The following KIF20B variants were observed in gnomAD, a reference collection of about 807,000 sequenced individuals.
KIF20B encodes the protein kinesin family member 20B.
A neutral mutation model predicts 232.5 loss-of-function variants in KIF20B; 188 were observed. The observed-to-expected ratio is 0.81, with a 90% CI of 0.72 to 0.91. KIF20B has a LOEUF of 0.91. Among genes scored for constraint, KIF20B ranks in the 40% least tolerant of loss-of-function variants. The probability of loss-of-function intolerance (pLI) is 0.00; values close to 1 mark genes in which losing one functional copy is unlikely to be tolerated. For synonymous variants in KIF20B, 712 were observed against 683.0 expected, an observed-to-expected ratio of 1.04 and a Z score of -0.66; for missense variants, 2,154 against 2,055.9, an observed-to-expected ratio of 1.05 and a Z score of -0.92.
chr10:89,737,875 C>T lies in KIF20B; in HGVS notation c.3034C>T (p.Leu1012=), dbSNP rs769418189. The change falls in exon 20 of 33, where the codon CTG becomes TTG. Residue 1012 remains leucine, a synonymous_variant. Transcript: ENST00000371728. The part of the protein sequence containing the change: ...SNIDLLNLRD[L]SNGSEEDNLP... ...CATAGATTTGCTCAATCTCAGGGAT[C>T]TGTCAAATGGTTCTGAGGAGGATAA... The T allele has an allele frequency of 6.2e-7, 1 of 1,613,294 alleles. No individual in the cohort carries two copies. The highest frequency in any genetic ancestry group is 8.5e-7 in the Non-Finnish European group (1 of 1,179,396).
At chr10:89,719,373 G>GT (rs1843000850) in intron 12 of KIF20B, 46 bp from the exon 13 acceptor site, 1 of 1,344,226 alleles carries the variant, frequency 7.4e-7, no homozygotes, top group African/African-American at 1.5e-5. Flanking sequence ...CTAGTGGACA[G>GT]TTCTTGTCTT....
intron 21 of KIF20B, among the ~76,000 whole-genome samples, chr10:89,739,373 A>C (rs1841743792): frequency 6.6e-6 from 1 of 152,186 alleles, no homozygotes; most frequent in Admixed American, 6.5e-5. Flanking sequence ...AGTGGAAAGC[A>C]ACTTGTTTAC....
chr10:89,703,805 C>A (rs943768713), intron 1 of KIF20B, among the ~76,000 whole-genome samples: 1 of 149,674 alleles, frequency 6.7e-6, no homozygotes, highest in Non-Finnish European at 1.5e-5. Flanking sequence ...CAGGCTGGAG[C>A]GCAGTGGCGC....
At position 89,705,333 on chromosome 10, in the gene KIF20B, A is replaced by G; in HGVS notation, c.39A>G (p.Pro13=). ...SNFNQEGVPR[P]SYVFSADPIA... is the part of the protein sequence containing the mutation. ...TTAATCAAGAGGGAGTACCTCGACCATCTTATGTTTTTAGTGCTGACCCAA... is the reference window on the plus strand; with the variant it reads ...TTAATCAAGAGGGAGTACCTCGACCGTCTTATGTTTTTAGTGCTGACCCAA... The change falls in exon 2 of 33, where the codon CCA becomes CCG. Residue 13 remains proline (P), a synonymous_variant. Coordinates refer to ENST00000371728, the MANE Select transcript of KIF20B (RefSeq NM_001284259.2). 6.2e-7 allele frequency: 1 copy of G among 1,614,048 alleles called. No homozygotes were observed. Among genetic ancestry groups the G allele is most frequent in the Non-Finnish European group, 8.5e-7 (1 of 1,179,934 alleles).
At chr10:89,757,034 GTGTGTGTATATA>G (rs1453704509) in intron 26 of KIF20B, among the ~76,000 whole-genome samples, 17 of 88,598 alleles carry the variant, frequency 1.9e-4, no homozygotes, top group African/African-American at 7.1e-4. Context: ...GTGTGTGTGT[GTGTGTGTATATA>G]TATATATATA....
rs1274302530 is a variant in KIF20B at position 89,737,720 on chromosome 10, A to G, written c.2879A>G (p.Lys960Arg). Reference protein sequence around the residue: ...QKSKNQEQEEKIMKLSNEIET... With the variant: ...QKSKNQEQEERIMKLSNEIET... ...AGTAAAAATCAAGAACAGGAGGAAA[A>G]GATCATGAAATTGTCAAATGAGATA... Residue 960 changes from lysine to arginine, a missense_variant, in exon 20 of 33, where the codon AAG becomes AGG. Coordinates refer to ENST00000371728, the MANE Select transcript of KIF20B (RefSeq NM_001284259.2). 1 of 1,612,930 alleles carries G rather than the reference A, an allele frequency of 6.2e-7. No individual in the cohort carries two copies. The highest frequency in any genetic ancestry group is 1.7e-5 in the Admixed American group (1 of 59,968).
intron 31 of KIF20B, among the ~76,000 whole-genome samples, chr10:89,771,078 C>G (rs1842452284): frequency 6.6e-6 from 1 of 151,878 alleles, no homozygotes; most frequent in Non-Finnish European, 1.5e-5. Flanking sequence ...CCTGTGCTTT[C>G]TTTTATCTGG....
intron 25 of KIF20B, among the ~76,000 whole-genome samples, chr10:89,753,018 G>C (rs1431157600): frequency 6.6e-6 from 1 of 152,090 alleles, no homozygotes; most frequent in African/African-American, 2.4e-5. Flanking sequence ...ATCAAATACT[G>C]CTGTGGAGAA....
intron 13 of KIF20B, among the ~76,000 whole-genome samples, chr10:89,720,244 G>A (rs1843024379): frequency 6.6e-6 from 1 of 152,144 alleles, no homozygotes; most frequent in African/African-American, 2.4e-5. Flanking sequence ...TTTTTGAAAA[G>A]TGGGTCCTAG....
chr10:89,711,074 T>G lies in KIF20B; in HGVS notation c.604T>G (p.Leu202Val). The G allele has an allele frequency of 6.2e-7, 1 of 1,604,898 alleles. No homozygotes were observed. Among genetic ancestry groups the G allele is most frequent in the Non-Finnish European group, 8.5e-7 (1 of 1,174,716 alleles). The change falls in exon 6 of 33, where the codon TTA (leucine) becomes GTA (valine). Residue 202 changes from leucine to valine, a missense_variant. Physicochemically the swap from Leu to Val is conservative, Grantham distance 32. Transcript: ENST00000371728. ...NLKPHRSREY[L>V]RLSSEQEKEE... Reference sequence around the variant, plus strand: ...TAAACCACATAGATCCAGAGAATACTTAAGGTTATCATCAGAACAAGAGAA... The same window carrying G: ...TAAACCACATAGATCCAGAGAATACGTAAGGTTATCATCAGAACAAGAGAA...
At chr10:89,714,289 G>GT (rs1564658395) in intron 7 of KIF20B, among the ~76,000 whole-genome samples, 1 of 152,004 alleles carries the variant, frequency 6.6e-6, no homozygotes, top group East Asian at 1.9e-4. Context: ...GACCATCCTG[G>GT]CCAACATGAT....
rs1250239697 is a variant in KIF20B, at chr10:89,768,861, C to T, written c.5215C>T (p.His1739Tyr). 1 of 1,601,444 alleles carries T rather than the reference C, an allele frequency of 6.2e-7. No individual in the cohort carries two copies. Among genetic ancestry groups the T allele is most frequent in the East Asian group, 2.2e-5 (1 of 44,604 alleles). The change falls in exon 31 of 33, where the codon CAT (histidine) becomes TAT (tyrosine). Residue 1739 changes from histidine to tyrosine, a missense_variant. His to Tyr is a moderately conservative substitution (Grantham distance 83). Coordinates refer to ENST00000371728, the MANE Select transcript of KIF20B (RefSeq NM_001284259.2). ...TLQKFGDFLQ[H>Y]SPSILQSKAK... Reference sequence around the variant, plus strand: ...ACAGAAATTTGGAGACTTCTTACAACATTCTCCCTCAATTCTTCAATCAAA... The same window carrying T: ...ACAGAAATTTGGAGACTTCTTACAATATTCTCCCTCAATTCTTCAATCAAA...
chr10:89,732,937 A>G lies in KIF20B; in HGVS notation c.2426A>G (p.Asn809Ser). The G allele has an allele frequency of 1.2e-6, 2 of 1,607,724 alleles. No individual in the cohort carries two copies. The highest frequency in any genetic ancestry group is 1.7e-6 in the Non-Finnish European group (2 of 1,176,286). ...GATACATCTTCTTTAATAATAAACA[A>G]TAAATTGATTTGTAATGAAACAGTT... ...KADTSSLIIN[N>S]KLICNETVEV... Residue 809 changes from asparagine (N) to serine (S), a missense_variant, in exon 19 of 33, where the codon AAT becomes AGT. Physicochemically the swap from Asn to Ser is conservative, Grantham distance 46. Coordinates refer to ENST00000371728, the MANE Select transcript of KIF20B (RefSeq NM_001284259.2).
At chr10:89,751,313 T>C in intron 23 of KIF20B, 33 bp from the exon 24 acceptor site, 4 of 1,553,622 alleles carry the variant, frequency 2.6e-6, no homozygotes, top group South Asian at 1.2e-5. Context: ...CTAGAGGCTA[T>C]TAATTTCTAA....
At chr10:89,749,048 A>G (rs1690645688) in intron 23 of KIF20B, among the ~76,000 whole-genome samples, 2 of 152,312 alleles carry the variant, frequency 1.3e-5, no homozygotes, top group Middle Eastern at 3.4e-3. Context: ...AAGGTAATCT[A>G]TAGCTCCTCC....
intron 30 of KIF20B, 54 bp from the exon 31 acceptor site, chr10:89,768,684 T>C (rs3824609): frequency 0.26 from 385,036 of 1,482,658 alleles, 53,722 homozygotes; most frequent in African/African-American, 0.46. Context: ...TGGCCATAAC[T>C]ATTTCCTTCT....
intron 7 of KIF20B, 115 bp from the exon 8 acceptor site, chr10:89,714,840 T>G (rs1475977460): frequency 1.5e-6 from 1 of 669,842 alleles, no homozygotes; most frequent in Non-Finnish European, 2.5e-6. Flanking sequence ...ACATAGATGG[T>G]CAAAAGATTA....
intron 32 of KIF20B, 76 bp downstream of exon 32, chr10:89,772,907 C>G: frequency 7.7e-7 from 1 of 1,300,856 alleles, no homozygotes; most frequent in Non-Finnish European, 1.0e-6. Context: ...GTTTGAATTT[C>G]AATTCTTTAG....
intron 6 of KIF20B, among the ~76,000 whole-genome samples, chr10:89,711,579 A>G (rs899980622): frequency 1.3e-5 from 2 of 152,060 alleles, no homozygotes; most frequent in Non-Finnish European, 2.9e-5. Context: ...CTCTCTCTAT[A>G]TAAAATCCAT....
Sources: allele counts gnomAD v4.1 joint callset (sites outside exome capture counted in the v4.1 genomes callset), GRCh38; gene constraint gnomAD v4.1.1; transcripts MANE v1.5; gene names NCBI Gene and HGNC (gene_info 2026-07-23, HGNC 2026-07-21).